CCDC30: variants seen among roughly 807,000 people sequenced by gnomAD.
CCDC30 encodes the protein coiled-coil domain-containing protein 30.
In CCDC30, 70 loss-of-function variants were observed where a neutral mutation model predicts 100.2. That is an observed-to-expected ratio of 0.70 (90% CI 0.58 to 0.85). The LOEUF (loss-of-function observed/expected upper bound fraction) is 0.85, where lower values mean the gene tolerates loss of function less well. Ranked by LOEUF, CCDC30 falls within the 40% of genes least tolerant of loss-of-function variation. CCDC30 has a pLI of 0.00. For synonymous variants in CCDC30, 233 were observed against 269.5 expected, an observed-to-expected ratio of 0.86 and a Z score of 1.33; for missense variants, 652 against 771.2, an observed-to-expected ratio of 0.85 and a Z score of 1.83.
At chr1:42,512,331 G>A (rs1423210325) in intron 6 of CCDC30, among the ~76,000 whole-genome samples, 1 of 152,072 alleles carries the variant, frequency 6.6e-6, no homozygotes, top group Non-Finnish European at 1.5e-5. Flanking sequence ...CCAGATTTGG[G>A]GGCCCATTCC....
chr1:42,645,644 T>C (rs1647821411), intron 14 of CCDC30, among the ~76,000 whole-genome samples: 1 of 152,196 alleles, frequency 6.6e-6, no homozygotes, highest in Non-Finnish European at 1.5e-5. Flanking sequence ...GAGGTGATTA[T>C]TTCCAAGCTA....
At chr1:42,579,650 GAGAA>G (rs1037582089) in intron 8 of CCDC30, among the ~76,000 whole-genome samples, 4 of 150,682 alleles carry the variant, frequency 2.7e-5, no homozygotes, top group Non-Finnish European at 4.4e-5. Context: ...GAGAGAGAGA[GAGAA>G]AGAGAGAGAG....
intron 11 of CCDC30, among the ~76,000 whole-genome samples, chr1:42,631,140 T>A (rs1463113195): frequency 1.3e-5 from 2 of 152,178 alleles, no homozygotes; most frequent in African/African-American, 4.8e-5. Context: ...CAAAAGTACT[T>A]GGGTGTTGTC....
At chr1:42,497,617 G>A (rs1343361253) in intron 5 of CCDC30, among the ~76,000 whole-genome samples, 1 of 151,874 alleles carries the variant, frequency 6.6e-6, no homozygotes, top group Non-Finnish European at 1.5e-5. Flanking sequence ...TTAAAAATAT[G>A]TACTTCCAAA....
chr1:42,525,092 A>T (rs1557825413), intron 6 of CCDC30, among the ~76,000 whole-genome samples: 1 of 151,872 alleles, frequency 6.6e-6, no homozygotes, highest in Admixed American at 6.6e-5. Context: ...CATTTATGAA[A>T]TTTTTTTAGC....
At chr1:42,527,262 G>A (rs1312684418) in intron 6 of CCDC30, among the ~76,000 whole-genome samples, 4 of 152,154 alleles carry the variant, frequency 2.6e-5, no homozygotes, top group Admixed American at 2.6e-4. Context: ...TTCCCACTGT[G>A]ACAATCTACT....
intron 10 of CCDC30, among the ~76,000 whole-genome samples, chr1:42,603,066 G>A (rs1346495649): frequency 6.6e-6 from 1 of 152,172 alleles, no homozygotes; most frequent in African/African-American, 2.4e-5. Context: ...TGTTTATGCT[G>A]CTATAACAAA....
At chr1:42,546,157 G>T (rs1046533283) in intron 6 of CCDC30, among the ~76,000 whole-genome samples, 1 of 150,722 alleles carries the variant, frequency 6.6e-6, no homozygotes, top group African/African-American at 2.4e-5. Flanking sequence ...AGGCCAAGGC[G>T]GGCGGATCAC....
Position 42,566,481 on chromosome 1 carries a change from T to C in CCDC30, c.636+6T>C, listed in dbSNP as rs1207598211. ...TTCAGGAAGAAAACATTAAGGTAAC[T>C]CTTGTGGGCAAATGCTTTATGGAAG... On this transcript the variant is annotated splice_donor_region_variant and intron_variant, in intron 7 of 16. Transcript: ENST00000668663. The C allele has an allele frequency of 2.5e-6, 4 of 1,609,694 alleles. No homozygotes were observed. In the African/African-American group the frequency reaches 5.3e-5, roughly 22 times the overall value.
At chr1:42,611,853 T>G (rs1646631907) in intron 11 of CCDC30, among the ~76,000 whole-genome samples, 1 of 152,022 alleles carries the variant, frequency 6.6e-6, no homozygotes, top group African/African-American at 2.4e-5. Context: ...ACTTTTTAAT[T>G]TTTTTATAGA....
chr1:42,490,787 G>A (rs1002746863), intron 4 of CCDC30, among the ~76,000 whole-genome samples: 3 of 152,102 alleles, frequency 2.0e-5, no homozygotes, highest in African/African-American at 7.2e-5. Flanking sequence ...GCTACATTAA[G>A]TATCAGAGCT....
intron 1 of CCDC30, among the ~76,000 whole-genome samples, chr1:42,477,091 T>C (rs1390416363): frequency 6.8e-6 from 1 of 147,466 alleles, no homozygotes; most frequent in Non-Finnish European, 1.5e-5. Context: ...GCTTTTTTTT[T>C]TCCCCCCTCT....
chr1:42,561,288 A>G (rs1645482011), intron 6 of CCDC30, among the ~76,000 whole-genome samples: 2 of 152,220 alleles, frequency 1.3e-5, no homozygotes, highest in African/African-American at 4.8e-5. Flanking sequence ...ACTGGGATGC[A>G]AGGCTGGTTC....
At chr1:42,495,370 A>T (rs200970134) in intron 4 of CCDC30, among the ~76,000 whole-genome samples, 1 of 151,240 alleles carries the variant, frequency 6.6e-6, no homozygotes, top group Non-Finnish European at 1.5e-5. Flanking sequence ...GTGGGGAGAG[A>T]GGGGAGGGAT....
At chr1:42,500,436 CAG>C (rs1342597374) in intron 6 of CCDC30, 8 of 781,170 alleles carry the variant, frequency 1.0e-5, no homozygotes, top group East Asian at 2.6e-5. Flanking sequence ...TTTTTTGAGA[CAG>C]AGTCTCGCTC....
chr1:42,509,939 C>A, intron 6 of CCDC30: 1 of 526,728 alleles, frequency 1.9e-6, no homozygotes, highest in Non-Finnish European at 2.4e-6. Context: ...TCCCTTCCTC[C>A]AAGCTCAACT....
intron 11 of CCDC30, among the ~76,000 whole-genome samples, chr1:42,621,528 T>TATTTATTTATTTTG (rs1646831795): frequency 6.6e-6 from 1 of 151,720 alleles, no homozygotes. Flanking sequence ...TTTATTTATT[T>TATTTATTTATTTTG]TGAGATGGAC....
At position 42,614,082 on chromosome 1, in the gene CCDC30, C is replaced by CT. The variant is rs140335668; in HGVS notation, c.1277+3008dup. Among the ~76,000 whole-genome samples the CT allele has an allele frequency of 3.1e-3, 420 of 137,640 alleles. 1 individual carries two copies. Among genetic ancestry groups the CT allele is most frequent in the Middle Eastern group, 7.5e-3 (2 of 268 alleles). The allele number at this position is 137,640 out of a possible 152,430, so 90.3% of individuals were successfully genotyped here. ...TTCTGATGAAATTTTCCCCAATATT[C>CT]TTTTTTTTTTTTTTTTGAGATGGAG... On this transcript the variant is annotated intron_variant, in intron 11 of 16. Transcript: ENST00000668663.
At chr1:42,654,183 A>T, downstream of CCDC30, 1 of 624,874 alleles carries the variant, frequency 1.6e-6, no homozygotes, top group African/African-American at 1.8e-5. Flanking sequence ...AGCAGTTGTA[A>T]AAATGGATTT....
Sources: allele counts gnomAD v4.1 joint callset (sites outside exome capture counted in the v4.1 genomes callset), GRCh38; gene constraint gnomAD v4.1.1; transcripts MANE v1.5; gene names NCBI Gene and HGNC (gene_info 2026-07-23, HGNC 2026-07-21).